The following PRKN variants were observed in gnomAD, a reference collection of about 807,000 sequenced individuals.
The protein encoded by PRKN is E3 ubiquitin-protein ligase parkin.
A neutral mutation model predicts 59.5 loss-of-function variants in PRKN; 56 were observed. The ratio of observed to expected loss-of-function variants is 0.94; its 90% CI spans 0.76 to 1.18. The LOEUF is 1.18. PRKN is among the 50% of genes most tolerant of loss of function. The pLI, the probability that PRKN is intolerant of heterozygous loss-of-function variation, is 0.00. For synonymous variants in PRKN, 250 were observed against 222.1 expected, an observed-to-expected ratio of 1.13 and a Z score of -1.12; for missense variants, 657 against 596.4, an observed-to-expected ratio of 1.10 and a Z score of -1.06.
chr6:161,927,262 G>A (rs1158678211), intron 6 of PRKN, among the ~76,000 whole-genome samples: 1 of 152,140 alleles, frequency 6.6e-6, no homozygotes, highest in Non-Finnish European at 1.5e-5. Context: ...GAAGAGGATT[G>A]CAAAGTGTCT....
chr6:162,297,675 T>C (rs1781743847), intron 2 of PRKN, among the ~76,000 whole-genome samples: 1 of 152,138 alleles, frequency 6.6e-6, no homozygotes, highest in Admixed American at 6.6e-5. Context: ...AAAATATTCT[T>C]ATTATTAAGT....
chr6:161,359,996 CA>C lies in PRKN; in HGVS notation c.1285+91del. On this transcript the variant is annotated intron_variant, in intron 11 of 11. Transcript: ENST00000366898. This position sits in a 1 kb window ranked among gnomAD's most constrained non-coding sequence, Gnocchi z 5.4. ...ACCCAACACACCAGGCACCTTCAGA[CA>C]GCATCTCCTTTAATCCTGGAATCCC... is the stretch of plus-strand genomic sequence containing the variant. 1.1e-6 allele frequency: 1 copy of C among 939,824 alleles called. No homozygotes were observed. The highest frequency in any genetic ancestry group is 1.8e-6 in the Non-Finnish European group (1 of 565,676). The allele number at this position is 939,824 out of a possible 1,614,324, so 58.2% of individuals were successfully genotyped here.
intron 9 of PRKN, among the ~76,000 whole-genome samples, chr6:161,406,104 A>G (rs1315613151): frequency 6.6e-6 from 1 of 151,912 alleles, no homozygotes; most frequent in African/African-American, 2.4e-5. Context: ...CTTTATACAT[A>G]CGTATATATA....
chr6:161,714,825 T>C (rs1203013646), intron 7 of PRKN, among the ~76,000 whole-genome samples: 3 of 152,092 alleles, frequency 2.0e-5, no homozygotes. Flanking sequence ...GTGAGAGATG[T>C]GTTCGCTTTT....
At chr6:162,611,984 G>C (rs918852139) in intron 1 of PRKN, among the ~76,000 whole-genome samples, 2 of 151,220 alleles carry the variant, frequency 1.3e-5, no homozygotes, top group East Asian at 3.9e-4. Context: ...AGGAGATCGA[G>C]ACCATCCTGG....
chr6:162,141,152 A>C (rs1050729987), intron 4 of PRKN, among the ~76,000 whole-genome samples: 5 of 145,766 alleles, frequency 3.4e-5, no homozygotes, highest in African/African-American at 1.3e-4. Flanking sequence ...ATAAATAAAT[A>C]AAAATAAAAA....
chr6:161,501,580 T>A (rs879031254), intron 9 of PRKN, among the ~76,000 whole-genome samples: 2 of 151,550 alleles, frequency 1.3e-5, no homozygotes, highest in Admixed American at 6.6e-5. Flanking sequence ...GCTTTTTTTT[T>A]AATGGTTGGT....
At chr6:162,301,586 G>C (rs1441610428) in intron 2 of PRKN, among the ~76,000 whole-genome samples, 1 of 151,922 alleles carries the variant, frequency 6.6e-6, no homozygotes, top group Admixed American at 6.6e-5. Context: ...CCATTGTCTT[G>C]CTGTGTCCTC....
intron 2 of PRKN, among the ~76,000 whole-genome samples, chr6:162,369,009 C>T (rs1785604652): frequency 6.6e-6 from 1 of 152,140 alleles, no homozygotes; most frequent in Non-Finnish European, 1.5e-5. Context: ...GCACTCATTA[C>T]CCCATCCATA....
At chr6:161,629,665 A>T (rs1056782660) in intron 7 of PRKN, among the ~76,000 whole-genome samples, 4 of 152,002 alleles carry the variant, frequency 2.6e-5, no homozygotes, top group Non-Finnish European at 5.9e-5. Flanking sequence ...CCATCCTGGT[A>T]TTCTCACCCA....
At chr6:161,845,893 G>A (rs1017938235) in intron 6 of PRKN, among the ~76,000 whole-genome samples, 3 of 152,172 alleles carry the variant, frequency 2.0e-5, no homozygotes, top group African/African-American at 4.8e-5. Flanking sequence ...CTGTCAATCC[G>A]ACACGAAGAG....
intron 1 of PRKN, among the ~76,000 whole-genome samples, chr6:162,577,226 T>TA (rs148233754): frequency 0.021 from 3,136 of 150,282 alleles, 107 homozygotes; most frequent in African/African-American, 0.071. Context: ...ACAGATAACT[T>TA]AAAAAAAGAT....
rs370032496 is a variant in PRKN, at chr6:162,668,947, C to T, written c.7+58715G>A. Among the ~76,000 whole-genome samples the T allele has an allele frequency of 6.6e-4, 101 of 152,238 alleles. No homozygotes were observed. In the East Asian group the frequency reaches 9.9e-3, roughly 15 times the overall value. On this transcript the variant is annotated intron_variant, in intron 1 of 11. Coordinates refer to ENST00000366898, the MANE Select transcript of PRKN (RefSeq NM_004562.3). Reference sequence around the variant, plus strand: ...GGTGGTAACGATGTATCTTGACTTACAATCATGGTTTCCTTCCCATTTTGA... The same window carrying T: ...GGTGGTAACGATGTATCTTGACTTATAATCATGGTTTCCTTCCCATTTTGA...
intron 4 of PRKN, among the ~76,000 whole-genome samples, chr6:162,089,237 G>T (rs920505207): frequency 7.9e-5 from 12 of 152,080 alleles, no homozygotes; most frequent in Admixed American, 2.6e-4. Flanking sequence ...AATGGGCAAA[G>T]AATCTGAATA....
intron 3 of PRKN, among the ~76,000 whole-genome samples, chr6:162,216,540 A>G (rs955444538): frequency 7.0e-5 from 10 of 142,914 alleles, no homozygotes; most frequent in Non-Finnish European, 1.4e-4. Flanking sequence ...CCGTCTCAAA[A>G]AAAAAAAAAA....
At chr6:162,662,617 T>C (rs2128228505) in intron 1 of PRKN, among the ~76,000 whole-genome samples, 1 of 152,218 alleles carries the variant, frequency 6.6e-6, no homozygotes, top group South Asian at 2.1e-4. Context: ...AAGGTGTGAG[T>C]CCAGTTTTCA....
At chr6:162,370,154 T>C (rs1199681208) in intron 2 of PRKN, among the ~76,000 whole-genome samples, 1 of 152,194 alleles carries the variant, frequency 6.6e-6, no homozygotes, top group Non-Finnish European at 1.5e-5. Flanking sequence ...TTCTTTCCTT[T>C]TTGATGTGAT....
chr6:161,589,778 CTTT>C (rs201984579), intron 7 of PRKN, among the ~76,000 whole-genome samples: 30 of 124,066 alleles, frequency 2.4e-4, no homozygotes, highest in Admixed American at 4.1e-4. Context: ...GGATTAAATT[CTTT>C]TTTTTTTTTT....
At chr6:162,552,955 C>A (rs971387917) in intron 1 of PRKN, among the ~76,000 whole-genome samples, 1 of 152,116 alleles carries the variant, frequency 6.6e-6, no homozygotes, top group Non-Finnish European at 1.5e-5. Flanking sequence ...GTGCCCAGTG[C>A]TGGAGAGAGG....
Sources: allele counts gnomAD v4.1 joint callset (sites outside exome capture counted in the v4.1 genomes callset), GRCh38; gene constraint gnomAD v4.1.1; non-coding constraint Gnocchi (gnomAD v3.1); transcripts MANE v1.5; gene names NCBI Gene and HGNC (gene_info 2026-07-23, HGNC 2026-07-21).